Variants in CCDC73 observed in about 807,000 individuals in gnomAD.
The protein encoded by CCDC73 is coiled-coil domain containing 73.
A neutral mutation model predicts 116.5 loss-of-function variants in CCDC73; 95 were observed. The observed-to-expected ratio is 0.82, with a 90% CI of 0.69 to 0.97. The LOEUF (loss-of-function observed/expected upper bound fraction) is 0.97. CCDC73 is among the 50% of genes least tolerant of loss of function. The pLI is 0.00. For missense variants in CCDC73, 1,066 were observed against 1,206.8 expected, an observed-to-expected ratio of 0.88 and a Z score of 1.73; for synonymous variants, 398 against 401.3, an observed-to-expected ratio of 0.99 and a Z score of 0.10.
chr11:32,675,800 T>C (rs1277025715), intron 8 of CCDC73, 86 bp downstream of exon 8: 3 of 1,252,964 alleles, frequency 2.4e-6, no homozygotes, highest in African/African-American at 1.5e-5. Flanking sequence ...ATCAGTATTA[T>C]CATAGATATT....
the CCDC73 span, among the ~76,000 whole-genome samples, chr11:32,809,159 C>A: frequency 6.6e-6 from 1 of 152,232 alleles, no homozygotes; most frequent in Non-Finnish European, 1.5e-5. Context: ...TCATAAGCAT[C>A]CAGGACAATT....
At position 32,699,898 on chromosome 11, in the gene CCDC73, A is replaced by G. The variant is rs562426501; in HGVS notation, c.316-573T>C. The stretch of plus-strand genomic sequence containing the variant: ...TTAAAAAATATATATATATATATAT[A>G]TATAAAAAGAACCAAAATCTCTACT... On this transcript the variant is annotated intron_variant, in intron 5 of 17. Coordinates refer to ENST00000335185, the MANE Select transcript of CCDC73 (RefSeq NM_001008391.4). Among the ~76,000 whole-genome samples, 451 of 149,368 alleles carry G rather than the reference A, an allele frequency of 3.0e-3. 5 individuals are homozygous for G. The highest frequency in any genetic ancestry group is 5.2e-3 in the Non-Finnish European group (351 of 67,458).
chr11:32,674,720 G>A (rs1856069922), intron 9 of CCDC73, among the ~76,000 whole-genome samples: 1 of 152,162 alleles, frequency 6.6e-6, no homozygotes, highest in South Asian at 2.1e-4. Flanking sequence ...ATAATCAGAA[G>A]CTAGCTAAAG....
intron 2 of CCDC73, among the ~76,000 whole-genome samples, chr11:32,735,354 C>T (rs542618172): frequency 6.6e-6 from 1 of 152,214 alleles, no homozygotes; most frequent in South Asian, 2.1e-4. Flanking sequence ...GCAAAAATCA[C>T]AAGCATTCTT....
rs145650925 is a variant in CCDC73, at chr11:32,657,654, T to C, written c.646-2682A>G. On this transcript the variant is annotated intron_variant, in intron 9 of 17. Transcript: ENST00000335185. The stretch of plus-strand genomic sequence containing the variant: ...GAGGTACTAGTAGATCAGTAGGCTA[T>C]AAAGAGAAAGAGAATGAGGTATTTT... Among the ~76,000 whole-genome samples the C allele has an allele frequency of 3.0e-3, 460 of 152,124 alleles. 5 individuals are homozygous for C. Among genetic ancestry groups the C allele is most frequent in the African/African-American group, 0.011 (447 of 41,506 alleles).
At chr11:32,697,481 C>CTTTTTTTTTTTT (rs771837421) in intron 6 of CCDC73, among the ~76,000 whole-genome samples, 2 of 108,800 alleles carry the variant, frequency 1.8e-5, no homozygotes, top group Non-Finnish European at 3.6e-5. Context: ...TCTCTTTATT[C>CTTTTTTTTTTTT]TTTTTTTTTT....
intron 6 of CCDC73, among the ~76,000 whole-genome samples, chr11:32,689,766 T>C (rs1055191776): frequency 1.3e-5 from 2 of 151,944 alleles, no homozygotes; most frequent in Non-Finnish European, 2.9e-5. Context: ...GAGGCTGAGG[T>C]GGGCAGATCA....
rs11031957 is a variant in CCDC73 at position 32,736,557 on chromosome 11, T to C, written c.136-18410A>G. 2.6e-3 allele frequency among the ~76,000 whole-genome samples: 393 copies of C among 152,276 alleles called. 1 individual carries two copies. The highest frequency in any genetic ancestry group is 9.3e-3 in the African/African-American group (385 of 41,558). Reference sequence around the variant, plus strand: ...GAGAAATAGGAACACTTTTACACTGTTGGTGGGACGGTAAACTAGTTCAAC... The same window carrying C: ...GAGAAATAGGAACACTTTTACACTGCTGGTGGGACGGTAAACTAGTTCAAC... On this transcript the variant is annotated intron_variant, in intron 2 of 17. Coordinates refer to ENST00000335185, the MANE Select transcript of CCDC73 (RefSeq NM_001008391.4).
chr11:32,608,278 C>T (rs1186957687), intron 17 of CCDC73, among the ~76,000 whole-genome samples: 1 of 152,184 alleles, frequency 6.6e-6, no homozygotes, highest in African/African-American at 2.4e-5. Flanking sequence ...TCCCTTCCAC[C>T]TATAAGCCAG....
chr11:32,747,576 T>C (rs1850251082), intron 2 of CCDC73, among the ~76,000 whole-genome samples: 1 of 152,218 alleles, frequency 6.6e-6, no homozygotes, highest in African/African-American at 2.4e-5. Flanking sequence ...TGAGCTGCAG[T>C]TGGCTCTACC....
At chr11:32,683,383 T>C (rs564369991) in intron 7 of CCDC73, 153 bp downstream of exon 7, 4 of 648,708 alleles carry the variant, frequency 6.2e-6, no homozygotes, top group Middle Eastern at 4.2e-4. Context: ...ACATGTGAAA[T>C]TGCAAATATC....
At chr11:32,803,851 G>A in the CCDC73 span, among the ~76,000 whole-genome samples, 2 of 152,264 alleles carry the variant, frequency 1.3e-5, no homozygotes, top group African/African-American at 4.8e-5. Context: ...TCTGTCACCA[G>A]GCTGGAGTGC....
At chr11:32,650,595 C>G (rs1274579614) in intron 12 of CCDC73, among the ~76,000 whole-genome samples, 1 of 152,054 alleles carries the variant, frequency 6.6e-6, no homozygotes, top group Non-Finnish European at 1.5e-5. Context: ...TTGCTAACAG[C>G]TGGACTTTCA....
chr11:32,762,400 G>A (rs1565096062), intron 1 of CCDC73, among the ~76,000 whole-genome samples: 2 of 152,120 alleles, frequency 1.3e-5, no homozygotes, highest in Non-Finnish European at 2.9e-5. Flanking sequence ...GGCAAATGAA[G>A]CAAAATTAAA....
At chr11:32,637,017 C>CTTTTTTTTTTTTTTT (rs71063750) in intron 13 of CCDC73, among the ~76,000 whole-genome samples, 8 of 87,962 alleles carry the variant, frequency 9.1e-5, no homozygotes, top group African/African-American at 2.0e-4. Context: ...TTTTCTTTTT[C>CTTTTTTTTTTTTTTT]TTTTTTTTTT....
chr11:32,753,302 TTTTTTTTC>T (rs1214651462), intron 2 of CCDC73, among the ~76,000 whole-genome samples: 1 of 150,604 alleles, frequency 6.6e-6, no homozygotes, highest in Non-Finnish European at 1.5e-5. Flanking sequence ...GCTTTTTTTT[TTTTTTTTC>T]TTTTTGAGAC....
intron 2 of CCDC73, among the ~76,000 whole-genome samples, chr11:32,720,924 A>C (rs548915793): frequency 6.6e-6 from 1 of 152,354 alleles, no homozygotes; most frequent in South Asian, 2.1e-4. Context: ...AACTCACTGA[A>C]TGTACAGCTA....
intron 1 of CCDC73, among the ~76,000 whole-genome samples, chr11:32,793,597 T>C (rs1027268044): frequency 6.8e-6 from 1 of 146,002 alleles, no homozygotes; most frequent in Non-Finnish European, 1.5e-5. Flanking sequence ...AGCAATGACA[T>C]GAATAATTTA....
At chr11:32,751,523 G>T (rs893395994) in intron 2 of CCDC73, among the ~76,000 whole-genome samples, 1 of 152,160 alleles carries the variant, frequency 6.6e-6, no homozygotes, top group African/African-American at 2.4e-5. Context: ...TCTGGCTAGG[G>T]CTAGCCTGAA....
Sources: allele counts gnomAD v4.1 joint callset (sites outside exome capture counted in the v4.1 genomes callset), GRCh38; gene constraint gnomAD v4.1.1; transcripts MANE v1.5; gene names NCBI Gene and HGNC (gene_info 2026-07-23, HGNC 2026-07-21).